SUPT3H: variants seen among roughly 807,000 people sequenced by gnomAD.
SUPT3H encodes the protein SPT3 homolog, SAGA and STAGA complex component.
SUPT3H carries 44 observed loss-of-function variants against 44.3 expected under a neutral mutation model. The observed-to-expected ratio is 0.99, with a 90% CI of 0.78 to 1.28. SUPT3H has a LOEUF of 1.28. Ranked by LOEUF, SUPT3H falls within the 50% of genes most tolerant of loss-of-function variation. The pLI is 0.00. For missense variants in SUPT3H, 380 were observed against 387.1 expected (o/e 0.98, Z 0.15); for synonymous variants, 124 against 125.6 (o/e 0.99, Z 0.09).
intron 2 of SUPT3H, among the ~76,000 whole-genome samples, chr6:45,260,395 C>T (rs527638077): frequency 7.4e-5 from 11 of 147,920 alleles, no homozygotes; most frequent in South Asian, 6.6e-4. Context: ...AAGCTGCCAC[C>T]GTCACTGCAT....
At chr6:45,148,985 C>T (rs573607041) in intron 2 of SUPT3H, among the ~76,000 whole-genome samples, 1 of 152,212 alleles carries the variant, frequency 6.6e-6, no homozygotes, top group Admixed American at 6.6e-5. Context: ...CAGTGTTTTC[C>T]CATCTTTATT....
chr6:45,234,558 A>G (rs931061448), intron 2 of SUPT3H, among the ~76,000 whole-genome samples: 3 of 151,536 alleles, frequency 2.0e-5, no homozygotes, highest in African/African-American at 7.3e-5. Context: ...GAAAAGAAAA[A>G]AAAGAAATAC....
intron 2 of SUPT3H, among the ~76,000 whole-genome samples, chr6:45,275,490 C>A (rs1332741117): frequency 3.3e-5 from 5 of 152,134 alleles, no homozygotes; most frequent in Non-Finnish European, 5.9e-5. Context: ...TCTAAAGTAT[C>A]ACGTCTTGAA....
At chr6:44,938,831 T>C (rs1771920290) in intron 9 of SUPT3H, among the ~76,000 whole-genome samples, 1 of 152,176 alleles carries the variant, frequency 6.6e-6, no homozygotes, top group Non-Finnish European at 1.5e-5. Flanking sequence ...ATTTTCTTTG[T>C]AGTACTTTAA....
chr6:45,267,525 G>T (rs1775445696), intron 2 of SUPT3H, among the ~76,000 whole-genome samples: 1 of 152,142 alleles, frequency 6.6e-6, no homozygotes, highest in Non-Finnish European at 1.5e-5. Context: ...GAAAATAGTT[G>T]AGATATTAAG....
chr6:45,285,447 T>C (rs539068848), intron 2 of SUPT3H, among the ~76,000 whole-genome samples: 3 of 151,960 alleles, frequency 2.0e-5, no homozygotes, highest in East Asian at 3.9e-4. Flanking sequence ...TATACACCAA[T>C]AACAGACAAA....
intron 9 of SUPT3H, among the ~76,000 whole-genome samples, chr6:44,937,776 T>C (rs1208797693): frequency 6.6e-6 from 1 of 152,118 alleles, no homozygotes; most frequent in African/African-American, 2.4e-5. Context: ...ATGGGATTAC[T>C]TGGTGTTTTT....
chr6:45,018,110 T>C (rs1784574493), intron 4 of SUPT3H, among the ~76,000 whole-genome samples: 2 of 151,744 alleles, frequency 1.3e-5, no homozygotes, highest in South Asian at 4.1e-4. Context: ...TTGAAGCAAT[T>C]GTGAATGGGA....
chr6:44,849,427 C>T (rs1772487704), intron 10 of SUPT3H, among the ~76,000 whole-genome samples: 1 of 151,200 alleles, frequency 6.6e-6, no homozygotes, highest in Admixed American at 6.6e-5. Flanking sequence ...CGGGGTTTCA[C>T]CATTTTAGCC....
chr6:45,081,348 C>T (rs1795786340), intron 3 of SUPT3H, among the ~76,000 whole-genome samples: 1 of 152,046 alleles, frequency 6.6e-6, no homozygotes, highest in East Asian at 1.9e-4. Flanking sequence ...TTCTCCTTCA[C>T]ATTATTTAAT....
intron 2 of SUPT3H, among the ~76,000 whole-genome samples, chr6:45,309,036 A>G (rs964326922): frequency 3.9e-5 from 6 of 152,102 alleles, no homozygotes; most frequent in African/African-American, 1.4e-4. Context: ...TGAGCTATTC[A>G]GCTACTTTAA....
intron 2 of SUPT3H, among the ~76,000 whole-genome samples, chr6:45,162,262 C>A (rs1809122940): frequency 6.6e-6 from 1 of 151,976 alleles, no homozygotes; most frequent in Non-Finnish European, 1.5e-5. Context: ...AGGTGTAGTG[C>A]TTGTAATCCC....
chr6:44,947,642 C>T (rs1278625295), intron 9 of SUPT3H, among the ~76,000 whole-genome samples: 2 of 151,874 alleles, frequency 1.3e-5, no homozygotes, highest in East Asian at 1.9e-4. Context: ...CCATATTAAG[C>T]TTAAAAAATA....
intron 10 of SUPT3H, among the ~76,000 whole-genome samples, chr6:44,896,423 T>A (rs1764142975): frequency 6.6e-6 from 1 of 152,184 alleles, no homozygotes; most frequent in African/African-American, 2.4e-5. Flanking sequence ...CTATTATTGG[T>A]CACATTTTCT....
At chr6:45,044,260 A>G (rs2153531913) in intron 3 of SUPT3H, among the ~76,000 whole-genome samples, 1 of 152,256 alleles carries the variant, frequency 6.6e-6, no homozygotes, top group Admixed American at 6.5e-5. Context: ...TTCTCTACAC[A>G]AATCCTGCTT....
At chr6:44,884,003 T>G (rs1224710938) in intron 10 of SUPT3H, among the ~76,000 whole-genome samples, 1 of 152,116 alleles carries the variant, frequency 6.6e-6, no homozygotes, top group Non-Finnish European at 1.5e-5. Flanking sequence ...AAAGCCAAAA[T>G]TGACAAATGG....
intron 3 of SUPT3H, among the ~76,000 whole-genome samples, chr6:45,045,664 C>CCA (rs1789275223): frequency 6.6e-6 from 1 of 152,128 alleles, no homozygotes; most frequent in South Asian, 2.1e-4. Context: ...ATTGCCCTGG[C>CCA]CAGAGCTTCC....
intron 3 of SUPT3H, among the ~76,000 whole-genome samples, chr6:45,045,784 TA>T (rs1425522300): frequency 6.6e-6 from 1 of 152,200 alleles, no homozygotes; most frequent in Non-Finnish European, 1.5e-5. Flanking sequence ...TATTACTGAT[TA>T]ATAAAGAGTA....
At chr6:44,928,518 T>C (rs1450703223) in intron 10 of SUPT3H, among the ~76,000 whole-genome samples, 3 of 152,092 alleles carry the variant, frequency 2.0e-5, no homozygotes, top group African/African-American at 7.2e-5. Context: ...ATCTAATGAA[T>C]AGCTTGACTT....
Sources: allele counts gnomAD v4.1 joint callset (sites outside exome capture counted in the v4.1 genomes callset), GRCh38; gene constraint gnomAD v4.1.1; transcripts MANE v1.5; gene names NCBI Gene and HGNC (gene_info 2026-07-23, HGNC 2026-07-21).